PTGDR: variants seen among roughly 807,000 people sequenced by gnomAD.
The protein encoded by PTGDR is prostaglandin D2 receptor, also known as PGD2 receptor.
Under a neutral mutation model 17.4 loss-of-function variants are expected in PTGDR, and 19 were observed. That is an observed-to-expected ratio of 1.09 (90% confidence interval 0.76 to 1.60). PTGDR has a LOEUF of 1.60. PTGDR is among the 40% of genes most tolerant of loss of function. The pLI, the probability that PTGDR is intolerant of heterozygous loss-of-function variation, is 0.00. For missense variants in PTGDR, 526 were observed against 481.9 expected, an observed-to-expected ratio of 1.09 and a Z score of -0.86; for synonymous variants, 267 against 224.2, an observed-to-expected ratio of 1.19 and a Z score of -1.71.
Position 52,274,959 on chromosome 14 carries a change from C to A in PTGDR, c.1075C>A (p.Leu359Met). 6.4e-7 allele frequency: 1 copy of A among 1,554,950 alleles called. No homozygotes were observed. Among genetic ancestry groups the A allele is most frequent in the Non-Finnish European group, 8.9e-7 (1 of 1,128,746 alleles). The change falls in exon 2 of 2, where the codon CTG (leucine) becomes ATG (methionine). Residue 359 changes from leucine (L) to methionine (M), a missense_variant. By Grantham distance (15) the Leu-to-Met change is conservative. Transcript: ENST00000306051. The part of the protein sequence containing the change: ...CSNSTNMESS[L>M] ...CAATTCCACTAACATGGAATCCAGT[C>A]TGTGACAGTGTTTTTCACTCTGTGG... is the stretch of plus-strand genomic sequence containing the variant.
intron 1 of PTGDR, chr14:52,269,537 C>G (rs1179324385): frequency 6.5e-7 from 1 of 1,531,916 alleles, no homozygotes; most frequent in South Asian, 1.2e-5. Flanking sequence ...CTCCTTTCTC[C>G]CAAGGTACCT....
chr14:52,269,340 A>G (rs1422199433), intron 1 of PTGDR: 4 of 856,424 alleles, frequency 4.7e-6, no homozygotes, highest in Non-Finnish European at 7.4e-6. Context: ...ACCTGACTTG[A>G]CGGGTTTTGA....
chr14:52,267,780 G>T lies in PTGDR; in HGVS notation c.-35G>T. On this transcript the variant is annotated 5_prime_UTR_variant, in exon 1 of 2. Coordinates refer to ENST00000306051, the MANE Select transcript of PTGDR (RefSeq NM_000953.3). ...CGGGCGCCGGGGCCCTCGCCCTTCC[G>T]CAGCCTTCACTCCAGCCCTCTGCTC... The T allele has an allele frequency of 6.6e-7, 1 of 1,507,316 alleles. No homozygotes were observed. 93.4% of individuals were successfully genotyped at this position (1,507,316 alleles called of 1,614,324 possible).
At chr14:52,278,321 C>T (rs545481708), downstream of PTGDR, among the ~76,000 whole-genome samples, 3 of 152,244 alleles carry the variant, frequency 2.0e-5, no homozygotes, top group South Asian at 6.2e-4. Context: ...TTTGTAGGGA[C>T]ATGGATGAAA....
chr14:52,277,116 G>T (rs2033439505), downstream of PTGDR, among the ~76,000 whole-genome samples: 1 of 152,174 alleles, frequency 6.6e-6, no homozygotes, highest in Non-Finnish European at 1.5e-5. Context: ...AGGGGCTGAG[G>T]AAAGGAATAA....
chr14:52,276,854 A>G (rs888246747), downstream of PTGDR: 2 of 152,158 alleles, frequency 1.3e-5, no homozygotes, highest in African/African-American at 4.8e-5. Flanking sequence ...TGTCCGATTA[A>G]CACTTACATT....
At chr14:52,272,427 A>C (rs2033338358) in intron 1 of PTGDR, among the ~76,000 whole-genome samples, 1 of 151,724 alleles carries the variant, frequency 6.6e-6, no homozygotes, top group Non-Finnish European at 1.5e-5. Context: ...TGATTGTGCC[A>C]CTGCACCCCA....
chr14:52,268,578 C>G lies in PTGDR; in HGVS notation c.764C>G (p.Pro255Arg). 1.2e-6 allele frequency: 2 copies of G among 1,612,368 alleles called. No individual in the cohort carries two copies. Among genetic ancestry groups the G allele is most frequent in the Non-Finnish European group, 1.7e-6 (2 of 1,179,416 alleles). The change falls in exon 1 of 2, where the codon CCT becomes CGT. Residue 255 changes from proline to arginine, a missense_variant. Coordinates refer to ENST00000306051, the MANE Select transcript of PTGDR (RefSeq NM_000953.3). ...CGCGCGGACGGGAGGGAAGCGTCCCCTCAGCCCCTGGAGGAGCTGGATCAC... is the reference window on the plus strand; with the variant it reads ...CGCGCGGACGGGAGGGAAGCGTCCCGTCAGCCCCTGGAGGAGCTGGATCAC... The part of the protein sequence containing the change: ...EPRADGREAS[P>R]QPLEELDHLL...
At chr14:52,274,629 A>T in intron 1 of PTGDR, 102 bp from the exon 2 acceptor site, 2 of 1,012,804 alleles carry the variant, frequency 2.0e-6, no homozygotes, top group Non-Finnish European at 2.9e-6. Context: ...GGGTGTTCCA[A>T]GCTAAGCTGT....
In PTGDR at chr14:52,267,988, C is replaced by A; in HGVS notation, c.174C>A (p.Pro58=). ...CGCGGCGTCCACTGCGCCCGCTGCC[C>A]TCGGTCTTCTACATGCTGGTGTGTG... ...WCSRRPLRPL[P]SVFYMLVCGL... Residue 58 remains proline, a synonymous_variant, in exon 1 of 2, where the codon CCC becomes CCA. Transcript: ENST00000306051. 3 of 1,609,726 alleles carry A rather than the reference C, an allele frequency of 1.9e-6. No homozygotes were observed. Among genetic ancestry groups the A allele is most frequent in the Non-Finnish European group, 2.5e-6 (3 of 1,179,942 alleles).
intron 1 of PTGDR, chr14:52,269,349 G>A: frequency 2.1e-6 from 2 of 965,142 alleles, no homozygotes; most frequent in Admixed American, 4.1e-5. Flanking sequence ...GACGGGTTTT[G>A]AGTGTATCTT....
chr14:52,270,192 C>T (rs1281598733), intron 1 of PTGDR, among the ~76,000 whole-genome samples: 1 of 152,144 alleles, frequency 6.6e-6, no homozygotes, highest in African/African-American at 2.4e-5. Context: ...AATACTATTT[C>T]AAGAAAAATA....
chr14:52,268,294 C>G lies in PTGDR; in HGVS notation c.480C>G (p.Ser160=). The G allele has an allele frequency of 6.2e-7, 1 of 1,613,980 alleles. No homozygotes were observed. Among genetic ancestry groups the G allele is most frequent in the Non-Finnish European group, 8.5e-7 (1 of 1,180,044 alleles). The change falls in exon 1 of 2, where the codon TCC becomes TCG. Residue 160 remains serine (S), a synonymous_variant. Coordinates refer to ENST00000306051, the MANE Select transcript of PTGDR (RefSeq NM_000953.3). ...ALVAPVVSAF[S]LAFCALPFMG... ...TGGCCCCGGTGGTGAGCGCCTTCTC[C>G]CTGGCTTTCTGCGCGCTACCTTTCA... is the stretch of plus-strand genomic sequence containing the variant.
At chr14:52,273,363 T>C (rs568427848) in intron 1 of PTGDR, among the ~76,000 whole-genome samples, 1 of 152,320 alleles carries the variant, frequency 6.6e-6, no homozygotes, top group African/African-American at 2.4e-5. Context: ...CATGCCATAT[T>C]CTCTACACTT....
Position 52,267,838 on chromosome 14 carries a change from C to A in PTGDR, c.24C>A (p.Cys8Ter). The change falls in exon 1 of 2, where the codon TGC (cysteine) becomes TGA (stop). Residue 8 changes from cysteine (C) to a stop codon, truncating the protein, a stop_gained. Transcript: ENST00000306051. LOFTEE classifies it high-confidence loss of function. ...CCATGAAGTCGCCGTTCTACCGCTG[C>A]CAGAACACCACCTCTGTGGAAAAAG... MKSPFYRCQNTTSVEKGN... is the reference protein window; with the variant it reads MKSPFYR 1 of 1,575,496 alleles carries A rather than the reference C, an allele frequency of 6.3e-7. No individual in the cohort carries two copies. Among genetic ancestry groups the A allele is most frequent in the Admixed American group, 1.8e-5 (1 of 56,346 alleles).
intron 1 of PTGDR, among the ~76,000 whole-genome samples, chr14:52,273,085 G>A (rs1051427710): frequency 1.6e-4 from 25 of 152,064 alleles, no homozygotes; most frequent in East Asian, 5.8e-4. Context: ...CAATCTAGGC[G>A]CACTACAACC....
At chr14:52,270,241 T>C (rs1481633592) in intron 1 of PTGDR, among the ~76,000 whole-genome samples, 2 of 152,166 alleles carry the variant, frequency 1.3e-5, no homozygotes, top group Admixed American at 6.5e-5. Context: ...CCTTAGTAGA[T>C]ACATATTACA....
Position 52,274,944 on chromosome 14 carries a change from A to G in PTGDR, c.1060A>G (p.Asn354Asp), listed in dbSNP as rs1290973586. The part of the protein sequence containing the change: ...RYRSRCSNST[N>D]MESSL ...CAGGAGCCGGTGCAGCAATTCCACT[A>G]ACATGGAATCCAGTCTGTGACAGTG... Residue 354 changes from asparagine (N) to aspartate (D), a missense_variant, in exon 2 of 2, where the codon AAC becomes GAC. Coordinates refer to ENST00000306051, the MANE Select transcript of PTGDR (RefSeq NM_000953.3). The G allele has an allele frequency of 6.3e-7, 1 of 1,578,414 alleles. No individual in the cohort carries two copies. Among genetic ancestry groups the G allele is most frequent in the South Asian group, 1.1e-5 (1 of 90,000 alleles).
Position 52,268,549 on chromosome 14 carries a change from G to A in PTGDR, c.735G>A (p.Glu245=), listed in dbSNP as rs1160679969. The A allele has an allele frequency of 6.2e-7, 1 of 1,612,594 alleles. No homozygotes were observed. Among genetic ancestry groups the A allele is most frequent in the South Asian group, 1.1e-5 (1 of 90,992 alleles). ...HPRSCTRDCA[E]PRADGREASP... ...GCTCCTGCACCAGGGACTGTGCCGA[G>A]CCGCGCGCGGACGGGAGGGAAGCGT... The change falls in exon 1 of 2, where the codon GAG becomes GAA. Residue 245 remains glutamate (E), a synonymous_variant. Coordinates refer to ENST00000306051, the MANE Select transcript of PTGDR (RefSeq NM_000953.3).
Sources: allele counts gnomAD v4.1 joint callset (sites outside exome capture counted in the v4.1 genomes callset), GRCh38; gene constraint gnomAD v4.1.1; transcripts MANE v1.5; gene names NCBI Gene and HGNC (gene_info 2026-07-23, HGNC 2026-07-21).